The following CENPW variants were observed in gnomAD, a reference collection of about 807,000 sequenced individuals.
CENPW encodes cancer-up-regulated gene 2 protein.
A neutral mutation model predicts 11.1 loss-of-function variants in CENPW; 3 were observed. The observed-to-expected ratio is 0.27, with a 90% CI of 0.12 to 0.70. The LOEUF is 0.70. Among genes scored for constraint, CENPW ranks in the 30% least tolerant of loss-of-function variants. CENPW has a pLI of 0.77. For synonymous variants in CENPW, 38 were observed against 42.0 expected (o/e 0.91, Z 0.37); for missense variants, 100 against 105.6 (o/e 0.95, Z 0.23).
the CENPW span, among the ~76,000 whole-genome samples, chr6:126,422,863 T>C: frequency 2.0e-5 from 3 of 152,094 alleles, no homozygotes; most frequent in African/African-American, 7.2e-5. Context: ...GTCTTAATAA[T>C]TTCAGAATTA....
At chr6:126,395,331 C>T in the CENPW span, among the ~76,000 whole-genome samples, 1 of 152,012 alleles carries the variant, frequency 6.6e-6, no homozygotes, top group Non-Finnish European at 1.5e-5. Context: ...GACTTTGATA[C>T]GTTCTTCAGT....
At chr6:126,400,672 A>G in the CENPW span, among the ~76,000 whole-genome samples, 1 of 152,006 alleles carries the variant, frequency 6.6e-6, no homozygotes. Flanking sequence ...TATATTTATT[A>G]AACTATTTGT....
At chr6:126,389,446 C>T in the CENPW span, among the ~76,000 whole-genome samples, 1 of 151,862 alleles carries the variant, frequency 6.6e-6, no homozygotes, top group South Asian at 2.1e-4. Context: ...ACTGCCTTCT[C>T]TAGTTATGTC....
chr6:126,355,715 A>G, the CENPW span, among the ~76,000 whole-genome samples: 2 of 152,146 alleles, frequency 1.3e-5, no homozygotes, highest in Admixed American at 6.5e-5. Context: ...CAATTAACTA[A>G]TCTGTCCTGT....
chr6:126,446,581 TA>T, the CENPW span, among the ~76,000 whole-genome samples: 8 of 151,138 alleles, frequency 5.3e-5, no homozygotes, highest in African/African-American at 1.9e-4. Context: ...CTGTCTCTTC[TA>T]AAATGTTGTA....
the CENPW span, among the ~76,000 whole-genome samples, chr6:126,409,546 C>T: frequency 6.6e-6 from 1 of 151,980 alleles, no homozygotes; most frequent in South Asian, 2.1e-4. Flanking sequence ...GAGAGTATCT[C>T]TTCCTTTATA....
chr6:126,349,736 T>C (rs1780469400), downstream of CENPW, among the ~76,000 whole-genome samples: 1 of 152,212 alleles, frequency 6.6e-6, no homozygotes, highest in Admixed American at 6.5e-5. Context: ...ACTTACAGTT[T>C]TGGTTATTAC....
chr6:126,429,945 A>G, the CENPW span, among the ~76,000 whole-genome samples: 1 of 152,202 alleles, frequency 6.6e-6, no homozygotes, highest in Non-Finnish European at 1.5e-5. Context: ...TCATGCCTCT[A>G]TGCCTTTGTC....
the CENPW span, among the ~76,000 whole-genome samples, chr6:126,424,722 C>T: frequency 6.6e-6 from 1 of 152,066 alleles, no homozygotes; most frequent in Non-Finnish European, 1.5e-5. Flanking sequence ...TGGGTTGGAT[C>T]ATTTGACTGG....
chr6:126,423,322 A>G, the CENPW span, among the ~76,000 whole-genome samples: 4 of 152,106 alleles, frequency 2.6e-5, no homozygotes, highest in African/African-American at 9.7e-5. Context: ...ATTTGTTCTA[A>G]ACAGAAACAG....
At chr6:126,352,973 A>G (rs1780508941), downstream of CENPW, among the ~76,000 whole-genome samples, 1 of 152,070 alleles carries the variant, frequency 6.6e-6, no homozygotes, top group South Asian at 2.1e-4. Context: ...TCAATCTGCT[A>G]TTTATATAAA....
At chr6:126,474,965 A>G in the CENPW span, among the ~76,000 whole-genome samples, 6 of 152,294 alleles carry the variant, frequency 3.9e-5, no homozygotes, top group Admixed American at 1.3e-4. Context: ...ACCAGTGTGT[A>G]TGTTCACAAG....
At chr6:126,371,313 G>C in the CENPW span, among the ~76,000 whole-genome samples, 1 of 152,026 alleles carries the variant, frequency 6.6e-6, no homozygotes, top group Non-Finnish European at 1.5e-5. Flanking sequence ...GCTGGATTTT[G>C]TCAAATTTTT....
the CENPW span, among the ~76,000 whole-genome samples, chr6:126,401,511 T>TCTTCCC: frequency 6.6e-6 from 1 of 152,056 alleles, no homozygotes; most frequent in Non-Finnish European, 1.5e-5. Context: ...CCTAAGTGAT[T>TCTTCCC]CTTCCCCTTC....
the CENPW span, among the ~76,000 whole-genome samples, chr6:126,397,936 C>G: frequency 2.0e-5 from 3 of 151,930 alleles, no homozygotes; most frequent in Admixed American, 1.3e-4. Context: ...AGATGTATAC[C>G]TTCTGTGGAG....
chr6:126,418,943 AG>A, the CENPW span, among the ~76,000 whole-genome samples: 1 of 42,858 alleles, frequency 2.3e-5, no homozygotes, highest in Non-Finnish European at 4.3e-5. Context: ...GGGTGGGGGG[AG>A]GGGGGAGGGA....
At chr6:126,416,398 A>G in the CENPW span, among the ~76,000 whole-genome samples, 16 of 152,262 alleles carry the variant, frequency 1.1e-4, no homozygotes, top group East Asian at 2.3e-3. Context: ...AGAAAATCCC[A>G]TTTTCTGAGG....
the CENPW span, among the ~76,000 whole-genome samples, chr6:126,473,767 T>C: frequency 1.3e-5 from 2 of 150,176 alleles, no homozygotes; most frequent in Non-Finnish European, 3.0e-5. Context: ...ATATATAGAA[T>C]ATATATGCAC....
At chr6:126,470,005 A>C in the CENPW span, among the ~76,000 whole-genome samples, 1 of 152,228 alleles carries the variant, frequency 6.6e-6, no homozygotes, top group African/African-American at 2.4e-5. Flanking sequence ...TTGCAGCCTG[A>C]CCATGAGGTA....
Sources: gnomAD v4.1 joint callset for allele counts (sites outside exome capture counted in the v4.1 genomes callset) on GRCh38, gnomAD v4.1.1 for gene constraint, MANE v1.5 for transcripts, NCBI Gene and HGNC (gene_info 2026-07-23, HGNC 2026-07-21) for gene names.